The following PPARGC1A variants were observed in gnomAD, a reference collection of about 807,000 sequenced individuals.
The protein encoded by PPARGC1A is peroxisome proliferator-activated receptor gamma coactivator 1-alpha.
PPARGC1A carries 25 observed loss-of-function variants against 88.7 expected under a neutral mutation model. The ratio of observed to expected loss-of-function variants is 0.28; its 90% confidence interval spans 0.21 to 0.39. The LOEUF is 0.39. Among genes scored for constraint, PPARGC1A ranks in the 10% least tolerant of loss-of-function variants. PPARGC1A has a pLI of 1.00. For missense variants in PPARGC1A, 880 were observed against 968.7 expected (o/e 0.91, Z 1.22); for synonymous variants, 363 against 355.6 (o/e 1.02, Z -0.24).
At chr4:23,978,647 G>A in the PPARGC1A span, among the ~76,000 whole-genome samples, 1 of 152,136 alleles carries the variant, frequency 6.6e-6, no homozygotes, top group African/African-American at 2.4e-5. Context: ...CTCTCCAAAA[G>A]TGCACCCTGC....
intron 5 of PPARGC1A, among the ~76,000 whole-genome samples, chr4:23,827,309 A>G (rs1010662827): frequency 6.6e-6 from 1 of 152,096 alleles, no homozygotes; most frequent in African/African-American, 2.4e-5. Flanking sequence ...AACACTGGGG[A>G]AAAAAAGCGT....
chr4:24,195,750 T>C, the PPARGC1A span, among the ~76,000 whole-genome samples: 3 of 152,206 alleles, frequency 2.0e-5, no homozygotes, highest in Admixed American at 2.0e-4. Flanking sequence ...TCCCATTCTT[T>C]TCATTTTTAT....
the PPARGC1A span, among the ~76,000 whole-genome samples, chr4:24,109,041 C>A: frequency 6.8e-6 from 1 of 146,934 alleles, no homozygotes; most frequent in Non-Finnish European, 1.5e-5. Context: ...ACACACCACA[C>A]ACACACACAC....
the PPARGC1A span, among the ~76,000 whole-genome samples, chr4:24,246,014 A>G: frequency 6.6e-6 from 1 of 151,920 alleles, no homozygotes; most frequent in South Asian, 2.1e-4. Context: ...AATGCTCTCT[A>G]TGAATAATTT....
chr4:23,944,376 G>C, the PPARGC1A span, among the ~76,000 whole-genome samples: 4 of 152,188 alleles, frequency 2.6e-5, no homozygotes, highest in African/African-American at 9.7e-5. Flanking sequence ...TCCCATCATA[G>C]AGCACAGATC....
At chr4:24,088,901 A>T in the PPARGC1A span, among the ~76,000 whole-genome samples, 4 of 152,340 alleles carry the variant, frequency 2.6e-5, no homozygotes, top group Middle Eastern at 0.01. Flanking sequence ...GAGACCCTGA[A>T]TGGCTTTGGG....
At chr4:24,084,932 C>A in the PPARGC1A span, among the ~76,000 whole-genome samples, 10 of 152,276 alleles carry the variant, frequency 6.6e-5, no homozygotes, top group Non-Finnish European at 1.2e-4. Flanking sequence ...CTTGCTAGGT[C>A]CATCATCCTC....
At chr4:24,401,065 T>C in the PPARGC1A span, among the ~76,000 whole-genome samples, 11 of 128,588 alleles carry the variant, frequency 8.6e-5, no homozygotes, top group Non-Finnish European at 1.1e-4. Context: ...GTCGCCCAGG[T>C]TGGAGTGCAG....
the PPARGC1A span, among the ~76,000 whole-genome samples, chr4:24,097,413 T>C: frequency 6.6e-6 from 1 of 152,212 alleles, no homozygotes; most frequent in African/African-American, 2.4e-5. Flanking sequence ...ATAGAATTTT[T>C]ATGAGTCCCT....
At chr4:24,309,343 C>T in the PPARGC1A span, among the ~76,000 whole-genome samples, 305 of 152,096 alleles carry the variant, frequency 2.0e-3, no homozygotes, top group Middle Eastern at 6.8e-3. Context: ...AAAGATGCAT[C>T]CAAATCCCAA....
chr4:23,991,559 T>C, the PPARGC1A span, among the ~76,000 whole-genome samples: 6 of 151,950 alleles, frequency 3.9e-5, no homozygotes, highest in African/African-American at 7.2e-5. Flanking sequence ...GCTGAGGCAG[T>C]GACATACAAG....
chr4:24,429,271 C>G, the PPARGC1A span, among the ~76,000 whole-genome samples: 1 of 152,138 alleles, frequency 6.6e-6, no homozygotes, highest in Non-Finnish European at 1.5e-5. Flanking sequence ...CTCTGTTTCA[C>G]ACACATGCAA....
chr4:24,378,948 C>G, the PPARGC1A span, among the ~76,000 whole-genome samples: 31 of 152,130 alleles, frequency 2.0e-4, no homozygotes, highest in East Asian at 5.2e-3. Context: ...TTTATTATAC[C>G]AGGCAGTCCT....
upstream of PPARGC1A, among the ~76,000 whole-genome samples, chr4:23,901,585 A>T (rs901352724): frequency 1.1e-4 from 17 of 151,920 alleles, no homozygotes; most frequent in Non-Finnish European, 2.1e-4. Flanking sequence ...GAAATAAGAC[A>T]TCCATATGGT....
the PPARGC1A span, among the ~76,000 whole-genome samples, chr4:24,158,404 C>G: frequency 2.6e-5 from 4 of 152,294 alleles, no homozygotes; most frequent in African/African-American, 7.2e-5. Context: ...AGCTCACTGT[C>G]CCAAGCTCAA....
the PPARGC1A span, among the ~76,000 whole-genome samples, chr4:24,336,679 A>G: frequency 3.2e-3 from 485 of 152,334 alleles, 4 homozygotes; most frequent in African/African-American, 0.011. Flanking sequence ...ATCTTATTCC[A>G]ATGTGTGAAC....
At chr4:24,450,542 C>A in the PPARGC1A span, among the ~76,000 whole-genome samples, 3 of 152,150 alleles carry the variant, frequency 2.0e-5, no homozygotes, top group Admixed American at 6.5e-5. Context: ...TTACACAAAG[C>A]TGCCTAGGAA....
At chr4:23,915,364 A>G in the PPARGC1A span, among the ~76,000 whole-genome samples, 47 of 152,316 alleles carry the variant, frequency 3.1e-4, no homozygotes, top group Middle Eastern at 6.8e-3. Context: ...GGCAGTTTAG[A>G]CAAAAATTAA....
the PPARGC1A span, among the ~76,000 whole-genome samples, chr4:24,007,236 C>G: frequency 2.6e-5 from 4 of 152,138 alleles, no homozygotes; most frequent in African/African-American, 7.2e-5. Flanking sequence ...CTTTCCTTTT[C>G]TTGCCCTCTC....
Sources: allele counts gnomAD v4.1 joint callset (sites outside exome capture counted in the v4.1 genomes callset), GRCh38; gene constraint gnomAD v4.1.1; transcripts MANE v1.5; gene names NCBI Gene and HGNC (gene_info 2026-07-23, HGNC 2026-07-21).